The following AKAP6 variants were observed in gnomAD, a reference collection of about 807,000 sequenced individuals.
AKAP6 encodes the protein A-kinase anchor protein 6.
Under a neutral mutation model 188.5 loss-of-function variants are expected in AKAP6, and 58 were observed. The ratio of observed to expected loss-of-function variants is 0.31; its 90% CI spans 0.25 to 0.38. The LOEUF is 0.38. AKAP6 is among the 10% of genes least tolerant of loss of function. The pLI is 1.00. For synonymous variants in AKAP6, 989 were observed against 998.6 expected (o/e 0.99, Z 0.18); for missense variants, 2,710 against 2,740.0 (o/e 0.99, Z 0.24).
chr14:32,523,183 G>A (rs1881939713), intron 2 of AKAP6, among the ~76,000 whole-genome samples: 1 of 151,896 alleles, frequency 6.6e-6, no homozygotes, highest in Non-Finnish European at 1.5e-5. Context: ...GTCTTGGGGT[G>A]GGGGAAGGGG....
chr14:32,370,355 G>T (rs191311423), intron 1 of AKAP6, among the ~76,000 whole-genome samples: 5 of 152,312 alleles, frequency 3.3e-5, no homozygotes, highest in Admixed American at 2.0e-4. Flanking sequence ...CAAAGACAGT[G>T]CTATCGAATT....
intron 1 of AKAP6, among the ~76,000 whole-genome samples, chr14:32,364,758 C>T (rs1887775594): frequency 6.6e-6 from 1 of 152,034 alleles, no homozygotes; most frequent in Admixed American, 6.6e-5. Context: ...AATTTATATT[C>T]CAGAAGTCCC....
chr14:32,668,159 T>C (rs1368702889), intron 7 of AKAP6, among the ~76,000 whole-genome samples: 2 of 152,110 alleles, frequency 1.3e-5, no homozygotes, highest in African/African-American at 4.8e-5. Flanking sequence ...ACATCAAAAA[T>C]TCTAATCATC....
At chr14:32,780,564 G>C (rs796198018) in intron 12 of AKAP6, among the ~76,000 whole-genome samples, 22 of 152,208 alleles carry the variant, frequency 1.4e-4, no homozygotes, top group African/African-American at 5.3e-4. Context: ...ATGTCATCCA[G>C]CAGCAGCAGA....
intron 12 of AKAP6, among the ~76,000 whole-genome samples, chr14:32,795,909 A>G (rs1384503056): frequency 1.3e-5 from 2 of 152,320 alleles, no homozygotes; most frequent in Non-Finnish European, 2.9e-5. Context: ...CAAAAGCTCC[A>G]TAAACTGATA....
chr14:32,475,680 T>C (rs541006799), intron 2 of AKAP6, among the ~76,000 whole-genome samples: 10 of 45,456 alleles, frequency 2.2e-4, no homozygotes, highest in East Asian at 1.0e-3. Flanking sequence ...TTTCAGCTCT[T>C]TTTTTTTTTT....
At chr14:32,663,259 C>T (rs7144004) in intron 7 of AKAP6, among the ~76,000 whole-genome samples, 8,047 of 152,090 alleles carry the variant, frequency 0.053, 718 homozygotes, top group African/African-American at 0.18. Flanking sequence ...CTTATACTTT[C>T]CCTGCCTTCC....
chr14:32,782,410 C>A (rs111531226), intron 12 of AKAP6, among the ~76,000 whole-genome samples: 2,928 of 152,050 alleles, frequency 0.019, 87 homozygotes, highest in African/African-American at 0.065. Flanking sequence ...TAGCCAGATC[C>A]ATAAAGCAAG....
intron 7 of AKAP6, among the ~76,000 whole-genome samples, chr14:32,621,166 T>G (rs1272157036): frequency 6.6e-6 from 1 of 152,032 alleles, no homozygotes; most frequent in Non-Finnish European, 1.5e-5. Context: ...TTTCTTGTTT[T>G]AATTTTATTT....
chr14:32,454,631 C>G lies in AKAP6; in HGVS notation c.324+20814C>G, dbSNP rs556828468. Among the ~76,000 whole-genome samples, 137 of 147,534 alleles carry G rather than the reference C, an allele frequency of 9.3e-4. 1 individual carries two copies. The highest frequency in any genetic ancestry group is 5.1e-3 in the Admixed American group (77 of 15,024). On this transcript the variant is annotated intron_variant, in intron 2 of 13. Transcript: ENST00000280979. ...AGTGAAAACTTGACCTTCCTTCCTTCCTTCCCTCCCTCCCTCCTTCCCTCT... is the reference window on the plus strand; with the variant it reads ...AGTGAAAACTTGACCTTCCTTCCTTGCTTCCCTCCCTCCCTCCTTCCCTCT...
At chr14:32,650,831 T>C (rs1888192831) in intron 7 of AKAP6, among the ~76,000 whole-genome samples, 2 of 152,164 alleles carry the variant, frequency 1.3e-5, no homozygotes, top group Admixed American at 1.3e-4. Context: ...ACAAAACCTG[T>C]TTAAAAGACT....
At chr14:32,370,042 A>C (rs1265162980) in intron 1 of AKAP6, among the ~76,000 whole-genome samples, 1 of 152,216 alleles carries the variant, frequency 6.6e-6, no homozygotes, top group Admixed American at 6.5e-5. Context: ...AAAAACAAAC[A>C]AACAAAAAAT....
chr14:32,363,710 C>A (rs773230389), intron 1 of AKAP6, among the ~76,000 whole-genome samples: 1 of 152,198 alleles, frequency 6.6e-6, no homozygotes, highest in Non-Finnish European at 1.5e-5. Context: ...GGTGCCCACC[C>A]AAACTGAGGG....
At chr14:32,677,039 T>C (rs750115645) in intron 7 of AKAP6, among the ~76,000 whole-genome samples, 4 of 152,168 alleles carry the variant, frequency 2.6e-5, no homozygotes, top group Non-Finnish European at 5.9e-5. Context: ...TTGGCCAGGC[T>C]GGTCTCAAAC....
intron 9 of AKAP6, among the ~76,000 whole-genome samples, chr14:32,717,021 G>A (rs1482389449): frequency 6.6e-6 from 1 of 152,254 alleles, no homozygotes; most frequent in Non-Finnish European, 1.5e-5. Context: ...CTGTTTTGCA[G>A]ATGGGATGAC....
chr14:32,647,868 A>G (rs1312215213), intron 7 of AKAP6, among the ~76,000 whole-genome samples: 1 of 152,090 alleles, frequency 6.6e-6, no homozygotes. Context: ...AAGTTAATCA[A>G]ACAATTCAAA....
intron 2 of AKAP6, among the ~76,000 whole-genome samples, chr14:32,526,718 A>C (rs1159648725): frequency 6.6e-6 from 1 of 152,252 alleles, no homozygotes; most frequent in Non-Finnish European, 1.5e-5. Context: ...AGAAGAAACT[A>C]GGCTTATTAG....
chr14:32,823,407 A>G lies in AKAP6; in HGVS notation c.5594A>G (p.Asn1865Ser). The change falls in exon 13 of 14, where the codon AAT becomes AGT. Residue 1865 changes from asparagine (N) to serine (S), a missense_variant. Around this residue, in one of 2 missense-constraint regions of AKAP6, gnomAD observed 2,473 missense variants for 2,426.1 expected, o/e 1.02. Coordinates refer to ENST00000280979, the MANE Select transcript of AKAP6 (RefSeq NM_004274.5). ...RVSENNGNGK[N>S]SSHTHELGTK... ...TCTGAAAATAATGGAAATGGTAAGA[A>G]TTCATCTCATACCCATGAGTTAGGG... 6.2e-7 allele frequency: 1 copy of G among 1,613,802 alleles called. No individual in the cohort carries two copies. The highest frequency in any genetic ancestry group is 2.2e-5 in the East Asian group (1 of 44,862).
intron 5 of AKAP6, among the ~76,000 whole-genome samples, chr14:32,595,172 C>G (rs977868474): frequency 6.6e-6 from 1 of 152,114 alleles, no homozygotes; most frequent in Admixed American, 6.5e-5. Context: ...AAAATCAACA[C>G]TATATGCAAC....
Sources: gnomAD v4.1 joint callset for allele counts (sites outside exome capture counted in the v4.1 genomes callset) on GRCh38, gnomAD v4.1.1 for gene constraint, gnomAD v4.1.1 regional missense constraint, MANE v1.5 for transcripts, NCBI Gene and HGNC (gene_info 2026-07-23, HGNC 2026-07-21) for gene names.